Variants in PRKG1 observed in about 807,000 individuals in gnomAD.
The protein encoded by PRKG1 is protein kinase cGMP-dependent 1.
Under a neutral mutation model 88.1 loss-of-function variants are expected in PRKG1, and 35 were observed. The ratio of observed to expected loss-of-function variants is 0.40; its 90% CI spans 0.30 to 0.53. The LOEUF (loss-of-function observed/expected upper bound fraction) is 0.53, where lower values mean the gene tolerates loss of function less well. Ranked by LOEUF, PRKG1 falls within the 20% of genes least tolerant of loss-of-function variation. The pLI, the probability that PRKG1 is intolerant of heterozygous loss-of-function variation, is 0.59. For missense variants in PRKG1, 540 were observed against 839.8 expected (o/e 0.64, Z 4.41); for synonymous variants, 303 against 292.5 (o/e 1.04, Z -0.37).
chr10:52,126,098 A>G (rs544053906), intron 7 of PRKG1: 1 of 152,054 alleles, frequency 6.6e-6, no homozygotes, highest in South Asian at 2.1e-4. Context: ...TCCATTTAAT[A>G]TTTTTGGACT....
chr10:51,351,212 T>G (rs1322848872), intron 2 of PRKG1, among the ~76,000 whole-genome samples: 3 of 152,216 alleles, frequency 2.0e-5, no homozygotes, highest in African/African-American at 7.2e-5. Flanking sequence ...AGTGCCGCAA[T>G]AAACATATGC....
At position 51,467,855 on chromosome 10, in the gene PRKG1, T is replaced by G. The variant is rs753859656; in HGVS notation, c.592+19T>G. Reference sequence around the variant, plus strand: ...GTCAAGAGTAAGACTATTTTCATATTTTTAAAATATTTTCAATGTCTTTTC... The same window carrying G: ...GTCAAGAGTAAGACTATTTTCATATGTTTAAAATATTTTCAATGTCTTTTC... On this transcript the variant is annotated intron_variant, in intron 3 of 17. Transcript: ENST00000373980. The G allele has an allele frequency of 1.1e-5, 17 of 1,572,416 alleles. No homozygotes were observed. The highest frequency in any genetic ancestry group is 1.2e-5 in the Non-Finnish European group (14 of 1,143,032).
intron 8 of PRKG1, among the ~76,000 whole-genome samples, chr10:52,137,858 A>T (rs1258322670): frequency 6.6e-6 from 1 of 152,126 alleles, no homozygotes; most frequent in Non-Finnish European, 1.5e-5. Context: ...GTAATCTGTT[A>T]TGCAATGTCT....
At chr10:52,211,209 T>C (rs1213397664) in intron 9 of PRKG1, among the ~76,000 whole-genome samples, 1 of 151,844 alleles carries the variant, frequency 6.6e-6, no homozygotes, top group African/African-American at 2.4e-5. Context: ...TCTGCTTTAC[T>C]TTCTGCCTGG....
intron 2 of PRKG1, among the ~76,000 whole-genome samples, chr10:51,307,201 A>G (rs75782393): frequency 6.6e-6 from 1 of 152,194 alleles, no homozygotes; most frequent in East Asian, 1.9e-4. Context: ...ACATGCATAC[A>G]CACAATCCCT....
chr10:51,373,191 A>G (rs1447904761), intron 2 of PRKG1, among the ~76,000 whole-genome samples: 1 of 152,218 alleles, frequency 6.6e-6, no homozygotes, highest in Non-Finnish European at 1.5e-5. Context: ...AACTTACTGT[A>G]ACTATATGTT....
At chr10:51,202,954 G>A (rs995371387) in intron 2 of PRKG1, among the ~76,000 whole-genome samples, 5 of 152,166 alleles carry the variant, frequency 3.3e-5, no homozygotes, top group African/African-American at 1.2e-4. Flanking sequence ...AATATTAGTG[G>A]CAGAAAATGA....
At chr10:51,282,729 G>C (rs1840332912) in intron 2 of PRKG1, among the ~76,000 whole-genome samples, 1 of 151,998 alleles carries the variant, frequency 6.6e-6, no homozygotes, top group Non-Finnish European at 1.5e-5. Context: ...AGTTTCACTT[G>C]ATTACTTTCA....
At chr10:51,285,431 C>T (rs188832196) in intron 2 of PRKG1, among the ~76,000 whole-genome samples, 1 of 152,244 alleles carries the variant, frequency 6.6e-6, no homozygotes, top group East Asian at 1.9e-4. Flanking sequence ...CTCATTAATA[C>T]AAATTTTATG....
chr10:51,982,743 A>C (rs1844043474), intron 5 of PRKG1, among the ~76,000 whole-genome samples: 2 of 152,154 alleles, frequency 1.3e-5, no homozygotes, highest in Admixed American at 1.3e-4. Flanking sequence ...TAGTGTCAGC[A>C]AAAGTGTTTT....
chr10:51,907,377 T>A (rs1589409997), intron 4 of PRKG1, 130 bp from the exon 5 acceptor site: 1 of 134,002 alleles, frequency 7.5e-6, no homozygotes, highest in Non-Finnish European at 1.2e-5. Context: ...GGCTAATGCA[T>A]TTTTTTTTTT....
intron 3 of PRKG1, among the ~76,000 whole-genome samples, chr10:51,600,282 T>C (rs776769851): frequency 2.0e-5 from 3 of 152,182 alleles, no homozygotes; most frequent in Non-Finnish European, 4.4e-5. Flanking sequence ...TTATTATAGG[T>C]GGACTCTACT....
At chr10:52,289,345 T>C (rs1842189844) in intron 16 of PRKG1, among the ~76,000 whole-genome samples, 1 of 152,100 alleles carries the variant, frequency 6.6e-6, no homozygotes, top group Non-Finnish European at 1.5e-5. Context: ...CCTGATTTCC[T>C]AAAGACAAAA....
At chr10:51,885,789 C>T (rs1160480026) in intron 4 of PRKG1, among the ~76,000 whole-genome samples, 4 of 152,116 alleles carry the variant, frequency 2.6e-5, no homozygotes, top group Non-Finnish European at 5.9e-5. Context: ...CTGACTTCTC[C>T]TTCCAATTTG....
At chr10:51,598,699 T>A (rs1004011174) in intron 3 of PRKG1, among the ~76,000 whole-genome samples, 1 of 152,228 alleles carries the variant, frequency 6.6e-6, no homozygotes, top group African/African-American at 2.4e-5. Flanking sequence ...AAGTGGAGCA[T>A]TAAATGCTCA....
In PRKG1 at chr10:51,897,423, T is replaced by A. The variant is rs549530644; in HGVS notation, c.699-10084T>A. 3.9e-5 allele frequency among the ~76,000 whole-genome samples: 6 copies of A among 152,274 alleles called. No individual in the cohort carries two copies. The South Asian group carries it at 1.2e-3, about 32-fold the overall frequency. ...GATAATTAATATAACTCTGTATGCT[T>A]CTTCCTAGGTAGAGGACATTGTTGA... On this transcript the variant is annotated intron_variant, in intron 4 of 17. Transcript: ENST00000373980.
chr10:52,150,866 A>G (rs943042310), intron 8 of PRKG1, among the ~76,000 whole-genome samples: 1 of 152,168 alleles, frequency 6.6e-6, no homozygotes, highest in Admixed American at 6.5e-5. Flanking sequence ...TCCCAGAAGC[A>G]GTTTTTAAAT....
At chr10:52,004,026 A>G (rs1370853646) in intron 5 of PRKG1, among the ~76,000 whole-genome samples, 3 of 146,294 alleles carry the variant, frequency 2.1e-5, no homozygotes, top group South Asian at 2.1e-4. Context: ...GAATGTATAT[A>G]TAATGTTTAG....
Position 51,739,876 on chromosome 10 carries a change from G to A in PRKG1, c.593-64709G>A, listed in dbSNP as rs987490167. Among the ~76,000 whole-genome samples the A allele has an allele frequency of 2.0e-5, 3 of 152,166 alleles. No individual in the cohort carries two copies. In the East Asian group the frequency reaches 5.8e-4, roughly 29 times the overall value. ...TAGTCCCAGGTACTCAGGAGGCTGA[G>A]GTGGAAGGATCACTTTATAGTGCAA... On this transcript the variant is annotated intron_variant, in intron 3 of 17. Coordinates refer to ENST00000373980, the MANE Select transcript of PRKG1 (RefSeq NM_006258.4).
Sources: allele counts gnomAD v4.1 joint callset (sites outside exome capture counted in the v4.1 genomes callset), GRCh38; gene constraint gnomAD v4.1.1; transcripts MANE v1.5; gene names NCBI Gene and HGNC (gene_info 2026-07-23, HGNC 2026-07-21).